PHLDB2: variants seen among roughly 807,000 people sequenced by gnomAD.
PHLDB2 encodes pleckstrin homology like domain family B member 2.
Under a neutral mutation model 123.6 loss-of-function variants are expected in PHLDB2, and 71 were observed. That is an observed-to-expected ratio of 0.57 (90% CI 0.47 to 0.70). PHLDB2 has a LOEUF of 0.70. Among genes scored for constraint, PHLDB2 ranks in the 30% least tolerant of loss-of-function variants. The pLI, the probability that PHLDB2 is intolerant of heterozygous loss-of-function variation, is 0.00. For missense variants in PHLDB2, 1,446 were observed against 1,519.5 expected, an observed-to-expected ratio of 0.95 and a Z score of 0.80; for synonymous variants, 547 against 541.6, an observed-to-expected ratio of 1.01 and a Z score of -0.14.
At chr3:111,964,884 G>A (rs560168676) in intron 13 of PHLDB2, among the ~76,000 whole-genome samples, 4 of 152,186 alleles carry the variant, frequency 2.6e-5, no homozygotes, top group Admixed American at 6.5e-5. Flanking sequence ...ACTAACTGGT[G>A]AGTTTTCAAG....
chr3:111,886,247 G>T (rs770363468), intron 2 of PHLDB2, among the ~76,000 whole-genome samples: 3 of 152,150 alleles, frequency 2.0e-5, no homozygotes, highest in Non-Finnish European at 2.9e-5. Context: ...AACACAGTAG[G>T]ATTATCAGTG....
chr3:111,926,230 A>C (rs2068805937), intron 5 of PHLDB2, among the ~76,000 whole-genome samples: 1 of 152,258 alleles, frequency 6.6e-6, no homozygotes, highest in Non-Finnish European at 1.5e-5. Flanking sequence ...TACAGTAAGC[A>C]TATATCATTG....
chr3:111,781,263 ATC>A (rs1365812618), intron 1 of PHLDB2, among the ~76,000 whole-genome samples: 8 of 151,962 alleles, frequency 5.3e-5, no homozygotes, highest in African/African-American at 1.9e-4. Context: ...AAATCTCCTT[ATC>A]TCTCTCCACC....
intron 12 of PHLDB2, among the ~76,000 whole-genome samples, chr3:111,960,461 T>C (rs1457178418): frequency 6.6e-6 from 1 of 152,244 alleles, no homozygotes; most frequent in Admixed American, 6.5e-5. Flanking sequence ...TATTTTCACT[T>C]AAATATCTAA....
intron 2 of PHLDB2, among the ~76,000 whole-genome samples, chr3:111,895,857 A>T (rs200337835): frequency 4.2e-5 from 4 of 95,986 alleles, no homozygotes; most frequent in Admixed American, 1.1e-4. Context: ...AAAAAAAAAA[A>T]ATCTATCTAT....
intron 8 of PHLDB2, among the ~76,000 whole-genome samples, chr3:111,944,035 T>C (rs1311638287): frequency 6.6e-6 from 1 of 152,234 alleles, no homozygotes; most frequent in African/African-American, 2.4e-5. Context: ...ATTTATATAA[T>C]ACAGGACTCC....
chr3:111,869,705 C>CTG (rs756821881), intron 1 of PHLDB2, among the ~76,000 whole-genome samples: 626 of 25,280 alleles, frequency 0.025, 4 homozygotes, highest in Admixed American at 0.18. Context: ...GTGTCTGTCT[C>CTG]TGTGTGTGTG....
rs372039615 is a variant in PHLDB2, at chr3:111,902,398, C to T, written c.1336-10921C>T. On this transcript the variant is annotated intron_variant, in intron 2 of 17. Coordinates refer to ENST00000431670, the MANE Select transcript of PHLDB2 (RefSeq NM_001134438.2). ...ACTTGAGCCCAGGAGATTGAGGCTACAGTGAGCCATGATCACATTATTGCA... is the reference window on the plus strand; with the variant it reads ...ACTTGAGCCCAGGAGATTGAGGCTATAGTGAGCCATGATCACATTATTGCA... Among the ~76,000 whole-genome samples, 25 of 152,198 alleles carry T rather than the reference C, an allele frequency of 1.6e-4. No individual in the cohort carries two copies. In the East Asian group the frequency reaches 2.7e-3, roughly 16 times the overall value.
At chr3:111,764,701 G>A (rs1449244993) in intron 1 of PHLDB2, among the ~76,000 whole-genome samples, 1 of 152,108 alleles carries the variant, frequency 6.6e-6, no homozygotes, top group East Asian at 1.9e-4. Context: ...CAATTCCAGG[G>A]GGCACTGTTT....
At chr3:111,923,997 T>C (rs141067025) in intron 5 of PHLDB2, among the ~76,000 whole-genome samples, 34 of 152,280 alleles carry the variant, frequency 2.2e-4, no homozygotes, top group African/African-American at 7.5e-4. Context: ...GTCACCAGCC[T>C]TTCTGTCACC....
intron 1 of PHLDB2, among the ~76,000 whole-genome samples, chr3:111,752,623 A>G (rs1419825228): frequency 3.3e-5 from 5 of 151,044 alleles, no homozygotes; most frequent in Admixed American, 1.3e-4. Context: ...TAACAAAAAA[A>G]TTTCTTTTTT....
At chr3:111,860,952 T>C (rs1401791449) in intron 1 of PHLDB2, among the ~76,000 whole-genome samples, 1 of 152,206 alleles carries the variant, frequency 6.6e-6, no homozygotes, top group Non-Finnish European at 1.5e-5. Context: ...TTTTCAAGTA[T>C]TGGACGTGTA....
At position 111,885,411 on chromosome 3, in the gene PHLDB2, TG is replaced by T; in HGVS notation, c.1335+1del. The T allele has an allele frequency of 6.2e-7, 1 of 1,614,096 alleles. No individual in the cohort carries two copies. Among genetic ancestry groups the T allele is most frequent in the East Asian group, 2.2e-5 (1 of 44,878 alleles). Reference sequence around the variant, plus strand: ...CTCAGGGAGCAGGAAATGGAGCGATTGGTAATCTTCATCTCAACAGTGATTG... The same window carrying T: ...CTCAGGGAGCAGGAAATGGAGCGATTGTAATCTTCATCTCAACAGTGATTG... ...ERLREQEMER[L>X]ERQRLETILS... On this transcript the variant is annotated frameshift_variant and splice_region_variant, in exon 2 of 18. Coordinates refer to ENST00000431670, the MANE Select transcript of PHLDB2 (RefSeq NM_001134438.2). LOFTEE classifies it high-confidence loss of function.
intron 1 of PHLDB2, among the ~76,000 whole-genome samples, chr3:111,792,967 G>A (rs2060990868): frequency 6.6e-6 from 1 of 152,170 alleles, no homozygotes. Flanking sequence ...CACCAACACT[G>A]GGACTACACT....
Position 111,967,766 on chromosome 3 carries a change from G to T in PHLDB2, c.3257G>T (p.Ser1086Ile). Residue 1086 changes from serine (S) to isoleucine (I), a missense_variant, in exon 15 of 18, where the codon AGC becomes ATC. Physicochemically the swap from Ser to Ile is moderately radical, Grantham distance 142. Transcript: ENST00000431670. The part of the protein sequence containing the change: ...ILEKRLQEET[S>I]QRQKLIEKEV... The stretch of plus-strand genomic sequence containing the variant: ...GAAAAACGATTACAGGAAGAAACTA[G>T]CCAGAGGCAGAAGTTAATAGAAAAG... 2 of 1,613,012 alleles carry T rather than the reference G, an allele frequency of 1.2e-6. No homozygotes were observed. Among genetic ancestry groups the T allele is most frequent in the South Asian group, 1.1e-5 (1 of 90,886 alleles).
intron 1 of PHLDB2, among the ~76,000 whole-genome samples, chr3:111,784,240 A>G (rs2060595922): frequency 6.6e-6 from 1 of 152,212 alleles, no homozygotes; most frequent in Admixed American, 6.5e-5. Context: ...AGTATTATAT[A>G]GGTTGACTTA....
chr3:111,766,155 T>C (rs6790072), intron 1 of PHLDB2, among the ~76,000 whole-genome samples: 1 of 151,580 alleles, frequency 6.6e-6, no homozygotes, highest in East Asian at 1.9e-4. Context: ...AGAATCTGAT[T>C]AAAGGCCAGG....
intron 1 of PHLDB2, among the ~76,000 whole-genome samples, chr3:111,836,883 G>A (rs1296021271): frequency 2.0e-5 from 3 of 152,246 alleles, no homozygotes; most frequent in Non-Finnish European, 2.9e-5. Context: ...CTTGACACAT[G>A]GGGATGACAA....
At chr3:111,804,032 T>A (rs1457594304) in intron 1 of PHLDB2, among the ~76,000 whole-genome samples, 1 of 152,212 alleles carries the variant, frequency 6.6e-6, no homozygotes, top group African/African-American at 2.4e-5. Flanking sequence ...TTCTAAACTT[T>A]TGTTCAGTAT....
Sources: gnomAD v4.1 joint callset for allele counts (sites outside exome capture counted in the v4.1 genomes callset) on GRCh38, gnomAD v4.1.1 for gene constraint, MANE v1.5 for transcripts, NCBI Gene and HGNC (gene_info 2026-07-23, HGNC 2026-07-21) for gene names.